The following FAAH2 variants were observed in gnomAD, a reference collection of about 807,000 sequenced individuals.
FAAH2 encodes the protein fatty acid amide hydrolase 2, also known as fatty-acid amide hydrolase 2.
A neutral mutation model predicts 36.9 loss-of-function variants in FAAH2; 60 were observed. The ratio of observed to expected loss-of-function variants is 1.63; its 90% CI spans 1.32 to 2.02. The LOEUF is 2.02. FAAH2 is among the 30% of genes most tolerant of loss of function. The pLI is 0.00. For synonymous variants in FAAH2, 214 were observed against 143.8 expected, an observed-to-expected ratio of 1.49 and a Z score of -3.49; for missense variants, 689 against 397.5, an observed-to-expected ratio of 1.73 and a Z score of -6.23.
At chrX:57,338,266 C>G (rs1341314719) in intron 4 of FAAH2, among the ~76,000 whole-genome samples, 1 of 111,165 alleles carries the variant, frequency 9.0e-6, no homozygotes, top group East Asian at 2.8e-4. Context: ...GAGTGGAGGT[C>G]GCAAGGTGCT....
intron 7 of FAAH2, among the ~76,000 whole-genome samples, chrX:57,429,624 G>A (rs1019270588): frequency 9.0e-6 from 1 of 111,033 alleles, no homozygotes; most frequent in Non-Finnish European, 1.9e-5. Flanking sequence ...CAATACATAG[G>A]GTTCTCAAAG....
At chrX:57,127,517 C>G in the FAAH2 span, among the ~76,000 whole-genome samples, 1 of 111,448 alleles carries the variant, frequency 9.0e-6, no homozygotes, top group African/African-American at 3.3e-5. Context: ...CTTTAGATTT[C>G]TTTGTCTTAA....
the FAAH2 span, among the ~76,000 whole-genome samples, chrX:57,159,472 G>C: frequency 9.0e-6 from 1 of 111,436 alleles, no homozygotes; most frequent in South Asian, 3.8e-4. Flanking sequence ...CTACCCATGA[G>C]CATGGAATGT....
At chrX:57,222,400 A>C in the FAAH2 span, among the ~76,000 whole-genome samples, 1 of 111,375 alleles carries the variant, frequency 9.0e-6, no homozygotes, top group South Asian at 3.9e-4. Flanking sequence ...GATGATGTAA[A>C]GTTGCATTAT....
At chrX:57,239,082 T>C in the FAAH2 span, among the ~76,000 whole-genome samples, 3 of 112,214 alleles carry the variant, frequency 2.7e-5, no homozygotes, top group Non-Finnish European at 3.8e-5. Context: ...TAGTACACCA[T>C]TGATAGGCAT....
chrX:57,375,018 A>C (rs1175636356), intron 5 of FAAH2, among the ~76,000 whole-genome samples: 2 of 110,803 alleles, frequency 1.8e-5, no homozygotes, highest in African/African-American at 3.3e-5. Context: ...ATTTAATGAC[A>C]CAAGTCATTA....
At chrX:57,337,278 A>AAAAG (rs1270310709) in intron 4 of FAAH2, among the ~76,000 whole-genome samples, 1 of 108,893 alleles carries the variant, frequency 9.2e-6, no homozygotes, top group African/African-American at 3.3e-5. Flanking sequence ...GAAAAAAAAA[A>AAAAG]AAAAAAGCCC....
At chrX:57,220,660 C>T in the FAAH2 span, among the ~76,000 whole-genome samples, 54 of 112,357 alleles carry the variant, frequency 4.8e-4, no homozygotes, top group East Asian at 4.5e-3. Context: ...TGCAGGCCCA[C>T]GGGGCCGCAG....
At chrX:57,452,575 C>T (rs192358995) in intron 10 of FAAH2, among the ~76,000 whole-genome samples, 233 of 112,601 alleles carry the variant, frequency 2.1e-3, no homozygotes, top group African/African-American at 6.9e-3. Context: ...CTATCTTGTT[C>T]ACCTATGTAA....
At chrX:57,172,267 AT>A in the FAAH2 span, among the ~76,000 whole-genome samples, 6 of 111,049 alleles carry the variant, frequency 5.4e-5, no homozygotes, top group African/African-American at 2.0e-4. Context: ...TTTTAAAATT[AT>A]TTTTTCTAAT....
At chrX:57,287,704 A>G (rs1274434709) in intron 1 of FAAH2, among the ~76,000 whole-genome samples, 2 of 111,698 alleles carry the variant, frequency 1.8e-5, no homozygotes, top group Non-Finnish European at 3.8e-5. Context: ...AGGACTATTC[A>G]TCTCTGTCAT....
the FAAH2 span, among the ~76,000 whole-genome samples, chrX:57,253,012 C>T: frequency 2.3e-4 from 26 of 110,977 alleles, no homozygotes; most frequent in Non-Finnish European, 3.6e-4. Flanking sequence ...AAGCTAAAAA[C>T]CTTGAAAAAA....
chrX:57,254,601 G>C, the FAAH2 span, among the ~76,000 whole-genome samples: 1 of 111,900 alleles, frequency 8.9e-6, no homozygotes, highest in Admixed American at 9.5e-5. Flanking sequence ...AATCAAATTA[G>C]AACTCATGAT....
intron 7 of FAAH2, among the ~76,000 whole-genome samples, chrX:57,424,011 A>G (rs927026787): frequency 1.3e-4 from 14 of 111,590 alleles, no homozygotes; most frequent in African/African-American, 4.6e-4. Flanking sequence ...GAAAGGAGAT[A>G]TGATCTGTGT....
At chrX:57,418,075 C>T (rs1020189687) in intron 7 of FAAH2, among the ~76,000 whole-genome samples, 9 of 111,325 alleles carry the variant, frequency 8.1e-5, no homozygotes, top group Non-Finnish European at 1.5e-4. Flanking sequence ...GGCCCTCCCT[C>T]CCCCCACCAT....
chrX:57,421,200 C>A (rs1158642087), intron 7 of FAAH2, among the ~76,000 whole-genome samples: 1 of 112,125 alleles, frequency 8.9e-6, no homozygotes, highest in Non-Finnish European at 1.9e-5. Flanking sequence ...AATCCCAGCA[C>A]TTTGGGAGGC....
At chrX:57,152,375 C>A in the FAAH2 span, among the ~76,000 whole-genome samples, 1 of 112,651 alleles carries the variant, frequency 8.9e-6, no homozygotes, top group Non-Finnish European at 1.9e-5. Context: ...GAGGTGGAGC[C>A]TACAGAGGCA....
At chrX:57,329,170 T>TA (rs1569264567) in intron 3 of FAAH2, among the ~76,000 whole-genome samples, 3 of 112,341 alleles carry the variant, frequency 2.7e-5, no homozygotes, top group Non-Finnish European at 5.6e-5. Context: ...TTCACAGCAA[T>TA]TGGCAATATT....
At chrX:57,244,253 A>G in the FAAH2 span, among the ~76,000 whole-genome samples, 1 of 110,613 alleles carries the variant, frequency 9.0e-6, no homozygotes, top group Non-Finnish European at 1.9e-5. Context: ...ATGTGAAAAG[A>G]CCAAACCTAT....
Sources: gnomAD v4.1 joint callset for allele counts (sites outside exome capture counted in the v4.1 genomes callset) on GRCh38, gnomAD v4.1.1 for gene constraint, MANE v1.5 for transcripts, NCBI Gene and HGNC (gene_info 2026-07-23, HGNC 2026-07-21) for gene names.